ELAVL4: variants seen among roughly 807,000 people sequenced by gnomAD.
ELAVL4 encodes ELAV-like protein 4.
A neutral mutation model predicts 35.6 loss-of-function variants in ELAVL4; 1 was observed. The ratio of observed to expected loss-of-function variants is 0.03; its 90% CI spans 0.01 to 0.13. The LOEUF (loss-of-function observed/expected upper bound fraction) is 0.13. ELAVL4 is among the 10% of genes least tolerant of loss of function. The probability of loss-of-function intolerance (pLI) is 1.00; values close to 1 mark genes in which losing one functional copy is unlikely to be tolerated. For missense variants in ELAVL4, 267 were observed against 464.9 expected (o/e 0.57, Z 3.91); for synonymous variants, 156 against 171.0 (o/e 0.91, Z 0.69).
At chr1:50,055,288 T>G (rs1663597518) in intron 1 of ELAVL4, among the ~76,000 whole-genome samples, 1 of 149,664 alleles carries the variant, frequency 6.7e-6, no homozygotes, top group Non-Finnish European at 1.5e-5. Context: ...TTTTTTTGTT[T>G]TGTTTTTGTT....
intron 2 of ELAVL4, among the ~76,000 whole-genome samples, chr1:50,158,409 T>TTG (rs141113225): frequency 6.6e-5 from 10 of 150,912 alleles, no homozygotes; most frequent in African/African-American, 1.7e-4. Flanking sequence ...GATACTCTGT[T>TTG]TGTGTGTGTG....
intron 1 of ELAVL4, among the ~76,000 whole-genome samples, chr1:50,070,695 C>G (rs1158313307): frequency 1.4e-5 from 2 of 138,444 alleles, no homozygotes; most frequent in Non-Finnish European, 3.0e-5. Context: ...GAGCAGAGAT[C>G]GTGCCACTGC....
chr1:50,193,387 TA>T, intron 3 of ELAVL4, among the ~76,000 whole-genome samples: 1 of 151,874 alleles, frequency 6.6e-6, no homozygotes, highest in Non-Finnish European at 1.5e-5. Flanking sequence ...TTTTCTGGTT[TA>T]TTCAAAGATT....
chr1:50,048,300 A>T lies in ELAVL4; in HGVS notation c.18+118A>T, dbSNP rs1663174751. The T allele has an allele frequency of 1.5e-5, 19 of 1,280,938 alleles. No individual in the cohort carries two copies. In the South Asian group the frequency reaches 2.5e-4, roughly 17 times the overall value. The allele number at this position is 1,280,938 out of a possible 1,614,324, so 79.3% of individuals were successfully genotyped here. A position where few individuals can be genotyped will look rare whatever the true frequency, so the allele number is the denominator to read the frequency against. On this transcript the variant is annotated intron_variant, in intron 1 of 6. Transcript: ENST00000448907. ...CCCAGCGGCCAGCCTGGCCACCCCG[A>T]CTCCCAGGGAGGGGGAGAGGGCCCT...
At chr1:50,165,437 T>G (rs76634356) in intron 2 of ELAVL4, among the ~76,000 whole-genome samples, 2,412 of 150,432 alleles carry the variant, frequency 0.016, 57 homozygotes, top group African/African-American at 0.055. Flanking sequence ...GATATATATA[T>G]ATATAGATAT....
chr1:50,056,599 A>G (rs1396947245), intron 1 of ELAVL4, among the ~76,000 whole-genome samples: 3 of 152,212 alleles, frequency 2.0e-5, no homozygotes, highest in African/African-American at 7.2e-5. Flanking sequence ...ATTACTAGGT[A>G]ACTGGTTTAT....
chr1:50,093,348 C>T (rs1036270564), intron 1 of ELAVL4, among the ~76,000 whole-genome samples: 2 of 152,172 alleles, frequency 1.3e-5, no homozygotes, highest in African/African-American at 2.4e-5. Flanking sequence ...TCTCCCCACA[C>T]ATTACTGTGC....
intron 1 of ELAVL4, among the ~76,000 whole-genome samples, chr1:50,051,034 TA>T (rs1316282155): frequency 1.3e-5 from 2 of 152,180 alleles, no homozygotes; most frequent in Non-Finnish European, 2.9e-5. Flanking sequence ...AATATGCTGT[TA>T]AAAGTTTTTG....
rs12143873 is a variant in ELAVL4 at position 50,143,811 on chromosome 1, T to C, written c.10-1146T>C. On this transcript the variant is annotated intron_variant, in intron 1 of 6. Transcript: ENST00000371824. Reference sequence around the variant, plus strand: ...CCTGGACTTTGCCCCCATTTTTCTATGATAACAGAGAAGTAACTGGACATC... The same window carrying C: ...CCTGGACTTTGCCCCCATTTTTCTACGATAACAGAGAAGTAACTGGACATC... Among the ~76,000 whole-genome samples, 1,275 of 152,258 alleles carry C rather than the reference T, an allele frequency of 8.4e-3. 16 individuals are homozygous for C. The highest frequency in any genetic ancestry group is 0.01 in the Admixed American group (160 of 15,288).
chr1:50,048,744 C>T (rs537425852), intron 1 of ELAVL4, among the ~76,000 whole-genome samples: 2 of 152,296 alleles, frequency 1.3e-5, no homozygotes, highest in Non-Finnish European at 2.9e-5. Context: ...TTACACCCCG[C>T]TGTGGACCTG....
chr1:50,110,570 G>T (rs945973552), intron 1 of ELAVL4, among the ~76,000 whole-genome samples: 6 of 152,164 alleles, frequency 3.9e-5, no homozygotes, highest in Non-Finnish European at 8.8e-5. Context: ...TGACCCTGAA[G>T]ATATGGCACA....
intron 2 of ELAVL4, among the ~76,000 whole-genome samples, chr1:50,161,277 T>C (rs1027400110): frequency 2.0e-5 from 3 of 152,286 alleles, no homozygotes; most frequent in African/African-American, 7.2e-5. Flanking sequence ...GTTAAAAACA[T>C]TTTTAAACGT....
At chr1:50,198,606 G>A (rs997240170) in intron 6 of ELAVL4, among the ~76,000 whole-genome samples, 13 of 152,176 alleles carry the variant, frequency 8.5e-5, no homozygotes, top group Non-Finnish European at 1.9e-4. Context: ...CCAGCACACT[G>A]TTTGCCTGTT....
intron 1 of ELAVL4, among the ~76,000 whole-genome samples, chr1:50,085,459 G>A (rs1665198170): frequency 6.6e-6 from 1 of 152,172 alleles, no homozygotes; most frequent in African/African-American, 2.4e-5. Context: ...GCAAGTAGAG[G>A]TGCCCAGATT....
chr1:50,143,912 A>G (rs1673247035), intron 1 of ELAVL4, among the ~76,000 whole-genome samples: 1 of 152,122 alleles, frequency 6.6e-6, no homozygotes, highest in African/African-American at 2.4e-5. Flanking sequence ...GCAATTTTGC[A>G]ATTCTCCATG....
intron 1 of ELAVL4, among the ~76,000 whole-genome samples, chr1:50,125,928 C>T (rs1669832845): frequency 6.6e-6 from 1 of 152,114 alleles, no homozygotes; most frequent in African/African-American, 2.4e-5. Context: ...GTCTGAGCCT[C>T]AGTTTCCTTA....
upstream of ELAVL4, among the ~76,000 whole-genome samples, chr1:50,105,458 G>A (rs1666223574): frequency 6.6e-6 from 1 of 152,024 alleles, no homozygotes; most frequent in African/African-American, 2.4e-5. Context: ...TCAAGAGAAG[G>A]AATTTTATTT....
intron 1 of ELAVL4, among the ~76,000 whole-genome samples, chr1:50,063,942 T>A (rs2148480702): frequency 6.6e-6 from 1 of 152,142 alleles, no homozygotes; most frequent in East Asian, 1.9e-4. Context: ...CAACTGGAAG[T>A]GACATTTAAA....
intron 4 of ELAVL4, 23 bp from the exon 5 acceptor site, chr1:50,195,538 A>G (rs1644000259): frequency 1.2e-6 from 2 of 1,612,588 alleles, no homozygotes; most frequent in South Asian, 2.2e-5. Flanking sequence ...CACTCTTTAC[A>G]AAGGCTCTTT....
Sources: gnomAD v4.1 joint callset for allele counts (sites outside exome capture counted in the v4.1 genomes callset) on GRCh38, gnomAD v4.1.1 for gene constraint, MANE v1.5 for transcripts, NCBI Gene and HGNC (gene_info 2026-07-23, HGNC 2026-07-21) for gene names.